The following FHIP2B variants were observed in gnomAD, a reference collection of about 807,000 sequenced individuals.
FHIP2B encodes the protein FHF complex subunit HOOK interacting protein 2B.
A neutral mutation model predicts 84.0 loss-of-function variants in FHIP2B; 72 were observed. The observed-to-expected ratio is 0.86, with a 90% CI of 0.71 to 1.04. The LOEUF (loss-of-function observed/expected upper bound fraction) is 1.04, where lower values mean the gene tolerates loss of function less well. FHIP2B is among the 50% of genes least tolerant of loss of function. The pLI, the probability that FHIP2B is intolerant of heterozygous loss-of-function variation, is 0.00. For synonymous variants in FHIP2B, 497 were observed against 418.7 expected, an observed-to-expected ratio of 1.19 and a Z score of -2.28; for missense variants, 972 against 968.9, an observed-to-expected ratio of 1.00 and a Z score of -0.04.
intron 12 of FHIP2B, 48 bp from the exon 13 acceptor site, chr8:22,101,392 A>G: frequency 6.9e-7 from 1 of 1,457,914 alleles, no homozygotes; most frequent in Non-Finnish European, 9.4e-7. Flanking sequence ...CAAGCAGGGG[A>G]GAGCAGGGTG....
In FHIP2B at chr8:22,102,275, T is replaced by G; in HGVS notation, c.1952T>G (p.Leu651Arg). ...TACCTGCTGGATCCGTACATCAGCC[T>G]GGCCCCCGGCTGCAGGAGCCTATTC... ...HEYLLDPYIS[L>R]APGCRSLFSV... The change falls in exon 15 of 17, where the codon CTG (leucine) becomes CGG (arginine). Residue 651 changes from leucine to arginine, a missense_variant. By Grantham distance (102) the Leu-to-Arg change is moderately radical. Transcript: ENST00000289921. The G allele has an allele frequency of 1.9e-6, 3 of 1,613,078 alleles. No homozygotes were observed. Among genetic ancestry groups the G allele is most frequent in the Non-Finnish European group, 2.5e-6 (3 of 1,179,870 alleles).
At chr8:22,096,550 G>A in intron 3 of FHIP2B, 41 bp downstream of exon 3, 2 of 1,474,386 alleles carry the variant, frequency 1.4e-6, no homozygotes, top group Non-Finnish European at 1.8e-6. Flanking sequence ...CGAGGTGGGA[G>A]GCCTCTGCGC....
Position 22,100,861 on chromosome 8 carries a change from C to G in FHIP2B, c.1505C>G (p.Pro502Arg). 6.2e-7 allele frequency: 1 copy of G among 1,613,882 alleles called. No homozygotes were observed. Among genetic ancestry groups the G allele is most frequent in the Non-Finnish European group, 8.5e-7 (1 of 1,179,894 alleles). The stretch of plus-strand genomic sequence containing the variant: ...GGCCACAGAGACCTGGAGGAAGACC[C>G]CTACTTCACCGACAGCTTCCTGGAT... ...YEDTLDLEED[P>R]YFTDSFLDSG... The change falls in exon 12 of 17, where the codon CCC (proline) becomes CGC (arginine). Residue 502 changes from proline (P) to arginine (R), a missense_variant. Pro to Arg is a moderately radical substitution (Grantham distance 103, BLOSUM62 -2). Coordinates refer to ENST00000289921, the MANE Select transcript of FHIP2B (RefSeq NM_022749.7).
chr8:22,092,408 C>T (rs559204138), intron 1 of FHIP2B, among the ~76,000 whole-genome samples: 22 of 152,120 alleles, frequency 1.4e-4, no homozygotes, highest in South Asian at 8.3e-4. Context: ...GGTGAAACCC[C>T]GTCTCTACTA....
rs760075403 is a variant in FHIP2B at position 22,100,964 on chromosome 8, C to A, written c.1608C>A (p.Ile536=). The change falls in exon 12 of 17, where the codon ATC becomes ATA. Residue 536 remains isoleucine (I), a synonymous_variant. Transcript: ENST00000289921. The part of the protein sequence containing the change: ...SYDGKTAVTE[I]VNSFLCLVPE... ...ATGGCAAAACAGCAGTGACCGAGAT[C>A]GTCAACAGGTGGGGAGCAAGTTAGG... 6.2e-7 allele frequency: 1 copy of A among 1,613,726 alleles called. No homozygotes were observed. Among genetic ancestry groups the A allele is most frequent in the Non-Finnish European group, 8.5e-7 (1 of 1,179,822 alleles).
In FHIP2B at chr8:22,096,397, T is replaced by C. The variant is rs1389352893; in HGVS notation, c.185T>C (p.Ile62Thr). 6.4e-7 allele frequency: 1 copy of C among 1,558,568 alleles called. No individual in the cohort carries two copies. The highest frequency in any genetic ancestry group is 8.7e-7 in the Non-Finnish European group (1 of 1,151,104). ...TGGCGGCTGAAGCAGATGCTGGATA[T>C]CCTGGTGTATGAAGAGCAGCAGCAG... ...IPWRLKQMLD[I>T]LVYEEQQQAA... Residue 62 changes from isoleucine to threonine, a missense_variant, in exon 3 of 17, where the codon ATC (isoleucine) becomes ACC (threonine). Transcript: ENST00000289921.
chr8:22,089,801 G>A, intron 1 of FHIP2B: 1 of 1,285,984 alleles, frequency 7.8e-7, no homozygotes, highest in Non-Finnish European at 1.0e-6. Context: ...CGCCCTTCCC[G>A]TCACCCCGGG....
At chr8:22,089,907 T>C (rs1825386267) in intron 1 of FHIP2B, 7 of 1,183,528 alleles carry the variant, frequency 5.9e-6, no homozygotes, top group East Asian at 6.0e-5. Flanking sequence ...TCGCCTTCTA[T>C]TGGGTGCAGA....
rs747444452 is a variant in FHIP2B, at chr8:22,099,810, G to A, written c.1258G>A (p.Asp420Asn). The change falls in exon 10 of 17, where the codon GAC becomes AAC. Residue 420 changes from aspartate (D) to asparagine (N), a missense_variant. Coordinates refer to ENST00000289921, the MANE Select transcript of FHIP2B (RefSeq NM_022749.7). ...GGCCGTGGCTTTCCTCCTGGGCACA[G>A]ACCGGCAGCCTGAAGCCCCCGGGGA... ...REAVAFLLGTDRQPEAPGDNP... is the reference protein window; with the variant it reads ...REAVAFLLGTNRQPEAPGDNP... 6.2e-7 allele frequency: 1 copy of A among 1,612,884 alleles called. No homozygotes were observed. Among genetic ancestry groups the A allele is most frequent in the Non-Finnish European group, 8.5e-7 (1 of 1,179,694 alleles).
chr8:22,090,151 G>GGT (rs1254127686), intron 1 of FHIP2B, among the ~76,000 whole-genome samples: 3 of 114,502 alleles, frequency 2.6e-5, no homozygotes, highest in African/African-American at 9.9e-5. Flanking sequence ...TTCCCGGTAG[G>GGT]GTGGGGGGGG....
rs368261441 is a variant in FHIP2B at position 22,102,901 on chromosome 8, C to T, written c.2202C>T (p.Asn734=). 62 of 1,613,674 alleles carry T rather than the reference C, an allele frequency of 3.8e-5. 1 individual carries two copies. The Middle Eastern group carries it at 6.6e-4, about 17-fold the overall frequency. ...TTCCCCCACATGATCCTCGCCAGAA[C>T]GTCTCCCCAGCCCCGGAAGGGCAGG... The part of the protein sequence containing the change: ...VKFPPHDPRQ[N]VSPAPEGQV Residue 734 remains asparagine, a synonymous_variant, in exon 17 of 17, where the codon AAC becomes AAT. Coordinates refer to ENST00000289921, the MANE Select transcript of FHIP2B (RefSeq NM_022749.7).
rs1218486571 is a variant in FHIP2B, at chr8:22,097,608, C to T, written c.390C>T (p.His130=). Residue 130 remains histidine, a synonymous_variant, in exon 4 of 17, where the codon CAC becomes CAT. Coordinates refer to ENST00000289921, the MANE Select transcript of FHIP2B (RefSeq NM_022749.7). The part of the protein sequence containing the change: ...QHPLLHYLSV[H]RPVQKLLRLG... ...CCCTGCTGCATTACCTCAGCGTCCA[C>T]AGGCCTGTGCAGGTGAGGGGCCCGG... is the stretch of plus-strand genomic sequence containing the variant. The T allele has an allele frequency of 6.2e-7, 1 of 1,606,330 alleles. No individual in the cohort carries two copies. The highest frequency in any genetic ancestry group is 8.5e-7 in the Non-Finnish European group (1 of 1,176,720).
intron 1 of FHIP2B, among the ~76,000 whole-genome samples, chr8:22,092,319 C>T (rs1825533442): frequency 6.6e-6 from 1 of 152,196 alleles, no homozygotes; most frequent in Non-Finnish European, 1.5e-5. Flanking sequence ...GTGGCTCATG[C>T]CTGTAATCCC....
rs1467485865 is a variant in FHIP2B at position 22,101,436 on chromosome 8, TCA to T, written c.1617-3_1617-2del. 3 of 1,605,464 alleles carry T rather than the reference TCA, an allele frequency of 1.9e-6. No homozygotes were observed. The highest frequency in any genetic ancestry group is 1.3e-5 in the African/African-American group (1 of 74,770). On this transcript the variant is annotated splice_acceptor_variant and splice_polypyrimidine_tract_variant and intron_variant, in intron 12 of 16. Coordinates refer to ENST00000289921, the MANE Select transcript of FHIP2B (RefSeq NM_022749.7). LOFTEE classifies it high-confidence loss of function. The stretch of plus-strand genomic sequence containing the variant: ...GCGCCTCCACACCGGCTTCTATCTC[TCA>T]GTTTCCTGTGCCTGGTCCCCGAGGA...
chr8:22,101,748 C>T lies in FHIP2B; in HGVS notation c.1748C>T (p.Pro583Leu), dbSNP rs778750378. The T allele has an allele frequency of 4.1e-5, 66 of 1,613,326 alleles. No individual in the cohort carries two copies. The highest frequency in any genetic ancestry group is 2.1e-4 in the South Asian group (19 of 90,986). ...CSSRVASWGW[P>L]LTPTPLDPHE... ...TCCCGCGTCGCCTCCTGGGGCTGGC[C>T]TCTGACCCCCACACCTTTGGACCCC... The change falls in exon 14 of 17, where the codon CCT becomes CTT. Residue 583 changes from proline (P) to leucine (L), a missense_variant. Pro to Leu is a moderately conservative substitution (Grantham distance 98). Coordinates refer to ENST00000289921, the MANE Select transcript of FHIP2B (RefSeq NM_022749.7).
intron 2 of FHIP2B, chr8:22,096,135 T>A: frequency 1.8e-6 from 1 of 550,710 alleles, no homozygotes; most frequent in Non-Finnish European, 3.2e-6. Context: ...GAGGACTGTG[T>A]CCTGAGCCTG....
At chr8:22,098,845 G>A in intron 7 of FHIP2B, 103 bp from the exon 8 acceptor site, 1 of 1,071,098 alleles carries the variant, frequency 9.3e-7, no homozygotes, top group Non-Finnish European at 1.4e-6. Context: ...CCCAGCCACA[G>A]AGGTTCCACA....
At chr8:22,089,835 G>A (rs1267338366) in intron 1 of FHIP2B, 9 of 1,283,926 alleles carry the variant, frequency 7.0e-6, no homozygotes, top group East Asian at 5.6e-5. Flanking sequence ...AGGCCCTGCC[G>A]GTCCAAGTCC....
chr8:22,089,842 GT>G, intron 1 of FHIP2B: 2 of 1,284,106 alleles, frequency 1.6e-6, no homozygotes, highest in Non-Finnish European at 2.0e-6. Flanking sequence ...GCCGGTCCAA[GT>G]CCCCACGAAG....
Sources: allele counts gnomAD v4.1 joint callset (sites outside exome capture counted in the v4.1 genomes callset), GRCh38; gene constraint gnomAD v4.1.1; transcripts MANE v1.5; gene names NCBI Gene and HGNC (gene_info 2026-07-23, HGNC 2026-07-21).